The following SGCD variants were observed in gnomAD, a reference collection of about 807,000 sequenced individuals.
The protein encoded by SGCD is delta-sarcoglycan.
SGCD carries 18 observed loss-of-function variants against 36.6 expected under a neutral mutation model. The observed-to-expected ratio is 0.49, with a 90% confidence interval of 0.34 to 0.73. The LOEUF is 0.73. Ranked by LOEUF, SGCD falls within the 30% of genes least tolerant of loss-of-function variation. The pLI is 0.01. For missense variants in SGCD, 387 were observed against 346.7 expected (o/e 1.12, Z -0.92); for synonymous variants, 133 against 130.6 (o/e 1.02, Z -0.12).
the SGCD span, among the ~76,000 whole-genome samples, chr5:155,853,542 T>C: frequency 6.6e-6 from 1 of 152,230 alleles, no homozygotes; most frequent in East Asian, 1.9e-4. Context: ...TTTGTTTTGC[T>C]CTTGCGCCTT....
the SGCD span, among the ~76,000 whole-genome samples, chr5:155,770,289 GT>G: frequency 6.7e-6 from 1 of 149,646 alleles, no homozygotes; most frequent in African/African-American, 2.4e-5. Flanking sequence ...GGAGGGTGTG[GT>G]TAGGAAAAGT....
At chr5:156,068,593 G>T (rs1018235932) in intron 1 of SGCD, among the ~76,000 whole-genome samples, 1 of 151,810 alleles carries the variant, frequency 6.6e-6, no homozygotes, top group African/African-American at 2.4e-5. Flanking sequence ...ATGTGTGCAT[G>T]TGCCTTTATA....
At chr5:156,234,465 T>C (rs1414860839) in intron 3 of SGCD, among the ~76,000 whole-genome samples, 1 of 152,200 alleles carries the variant, frequency 6.6e-6, no homozygotes, top group Admixed American at 6.5e-5. Flanking sequence ...AATGGCTCTA[T>C]GGAGGTTCAT....
intron 3 of SGCD, among the ~76,000 whole-genome samples, chr5:156,351,603 G>GTCATCATCATCA (rs141077881): frequency 6.7e-6 from 1 of 149,100 alleles, no homozygotes; most frequent in Non-Finnish European, 1.5e-5. Flanking sequence ...TATCGTCGTA[G>GTCATCATCATCA]TCATCATCAT....
chr5:156,323,659 C>T (rs11738065), upstream of SGCD, among the ~76,000 whole-genome samples: 65,764 of 151,906 alleles, frequency 0.43, 14,552 homozygotes, highest in East Asian at 0.81. Flanking sequence ...AATTTTTAAC[C>T]GACTTCTGTG....
chr5:156,479,261 T>G (rs1755324698), intron 3 of SGCD, among the ~76,000 whole-genome samples: 1 of 151,338 alleles, frequency 6.6e-6, no homozygotes, highest in African/African-American at 2.4e-5. Flanking sequence ...TCTGGCTAAT[T>G]TTTTTTGTAC....
chr5:155,984,458 C>T (rs1351181316), intron 1 of SGCD, among the ~76,000 whole-genome samples: 5 of 152,226 alleles, frequency 3.3e-5, no homozygotes, highest in African/African-American at 4.8e-5. Context: ...ATTTCATGTA[C>T]ATGACCGTTT....
At chr5:155,835,256 C>T in the SGCD span, among the ~76,000 whole-genome samples, 23 of 152,130 alleles carry the variant, frequency 1.5e-4, no homozygotes, top group African/African-American at 5.1e-4. Flanking sequence ...CATCCACCCG[C>T]CTCAGCCTCC....
At chr5:156,304,999 G>T (rs1467787548) in intron 3 of SGCD, among the ~76,000 whole-genome samples, 1 of 152,160 alleles carries the variant, frequency 6.6e-6, no homozygotes, top group Non-Finnish European at 1.5e-5. Flanking sequence ...AGTGACTTGG[G>T]TGCTGTTAAA....
chr5:156,450,741 C>G (rs1156801946), intron 3 of SGCD, among the ~76,000 whole-genome samples: 1 of 151,806 alleles, frequency 6.6e-6, no homozygotes, highest in Non-Finnish European at 1.5e-5. Context: ...ATTTCAATTG[C>G]TTTTTAAATG....
At chr5:156,140,677 A>G (rs1762559049) in intron 3 of SGCD, among the ~76,000 whole-genome samples, 1 of 152,208 alleles carries the variant, frequency 6.6e-6, no homozygotes. Context: ...AATGAGTTAA[A>G]GACAGAATTT....
chr5:155,816,262 C>G, the SGCD span, among the ~76,000 whole-genome samples: 1 of 152,062 alleles, frequency 6.6e-6, no homozygotes, highest in African/African-American at 2.4e-5. Flanking sequence ...TTTTGACTCC[C>G]CCAAAACTTA....
At chr5:156,284,864 T>C (rs946005788) in intron 3 of SGCD, among the ~76,000 whole-genome samples, 1 of 152,062 alleles carries the variant, frequency 6.6e-6, no homozygotes, top group African/African-American at 2.4e-5. Context: ...ATTCAATTAG[T>C]AAAAAAGGAA....
At position 156,653,493 on chromosome 5, in the gene SGCD, C is replaced by CTTTTTTTTTTTGTTTTTTTTTTTTT. The variant is rs1763547057; in HGVS notation, c.575+5968_575+5969insGTTTTTTTTTTTTTTTTTTTTTTTT. Reference sequence around the variant, plus strand: ...TTTTCTTACGTAATTCTAAAGCTTGCTTTTTTTTTTTTTTTGCCCCTGTTG... The same window carrying CTTTTTTTTTTTGTTTTTTTTTTTTT: ...TTTTCTTACGTAATTCTAAAGCTTGCTTTTTTTTTTTGTTTTTTTTTTTTTTTTTTTTTTTTTTTTGCCCCTGTTG... On this transcript the variant is annotated intron_variant, in intron 7 of 8. Coordinates refer to ENST00000337851, the MANE Select transcript of SGCD (RefSeq NM_000337.6). Among the ~76,000 whole-genome samples the CTTTTTTTTTTTGTTTTTTTTTTTTT allele has an allele frequency of 4.2e-5, 2 of 48,082 alleles. 1 individual carries two copies. Among genetic ancestry groups the CTTTTTTTTTTTGTTTTTTTTTTTTT allele is most frequent in the Non-Finnish European group, 8.0e-5 (2 of 24,960 alleles). The allele number at this position is 48,082 out of a possible 152,430, so 31.5% of individuals were successfully genotyped here.
At chr5:156,231,098 G>A (rs1204322532) in intron 3 of SGCD, among the ~76,000 whole-genome samples, 2 of 152,162 alleles carry the variant, frequency 1.3e-5, no homozygotes, top group African/African-American at 4.8e-5. Context: ...ATGAATATGT[G>A]ACGCCACCAT....
At chr5:155,891,240 C>T (rs1254487710) in intron 1 of SGCD, among the ~76,000 whole-genome samples, 1 of 152,194 alleles carries the variant, frequency 6.6e-6, no homozygotes, top group Non-Finnish European at 1.5e-5. Context: ...CCTTATTTCT[C>T]ATATATGTGC....
At chr5:156,399,131 A>G (rs900740398) in intron 3 of SGCD, among the ~76,000 whole-genome samples, 9 of 152,218 alleles carry the variant, frequency 5.9e-5, no homozygotes, top group African/African-American at 1.9e-4. Context: ...TAAGTACAAG[A>G]TTGACAGAGG....
intron 6 of SGCD, among the ~76,000 whole-genome samples, chr5:156,619,477 C>T (rs1190635655): frequency 6.6e-6 from 1 of 152,160 alleles, no homozygotes; most frequent in African/African-American, 2.4e-5. Flanking sequence ...TTTCTTCTAG[C>T]CAGTTAATAA....
intron 1 of SGCD, among the ~76,000 whole-genome samples, chr5:156,035,482 T>A (rs1460548350): frequency 6.6e-6 from 1 of 152,124 alleles, no homozygotes; most frequent in Non-Finnish European, 1.5e-5. Context: ...TGGTGGCACA[T>A]GCCTATATTT....
Sources: allele counts gnomAD v4.1 joint callset (sites outside exome capture counted in the v4.1 genomes callset), GRCh38; gene constraint gnomAD v4.1.1; transcripts MANE v1.5; gene names NCBI Gene and HGNC (gene_info 2026-07-23, HGNC 2026-07-21).